The following RNF216 variants were observed in gnomAD, a reference collection of about 807,000 sequenced individuals.
RNF216 encodes ring finger protein 216, also known as E3 ubiquitin-protein ligase RNF216.
Under a neutral mutation model 110.8 loss-of-function variants are expected in RNF216, and 72 were observed. The observed-to-expected ratio is 0.65, with a 90% CI of 0.54 to 0.79. The LOEUF is 0.79. RNF216 is among the 30% of genes least tolerant of loss of function. RNF216 has a pLI of 0.00. For missense variants in RNF216, 1,342 were observed against 1,141.2 expected (o/e 1.18, Z -2.54); for synonymous variants, 495 against 407.5 (o/e 1.21, Z -2.59).
chr7:5,708,983 G>A (rs538966561), intron 13 of RNF216, among the ~76,000 whole-genome samples: 1 of 152,150 alleles, frequency 6.6e-6, no homozygotes, highest in Non-Finnish European at 1.5e-5. Context: ...GTTCTCAGCA[G>A]CCCCCAGGGA....
intron 13 of RNF216, among the ~76,000 whole-genome samples, chr7:5,694,844 G>C (rs901566679): frequency 2.6e-5 from 4 of 152,238 alleles, no homozygotes; most frequent in Non-Finnish European, 5.9e-5. Context: ...CTAAGCATTT[G>C]TCTACTAACT....
rs66617363 is a variant in RNF216 at position 5,660,265 on chromosome 7, C to CTTTTTTTT, written c.2062-7763_2062-7756dup. Among the ~76,000 whole-genome samples, 20 of 33,646 alleles carry CTTTTTTTT rather than the reference C, an allele frequency of 5.9e-4. 1 individual carries two copies. Among genetic ancestry groups the CTTTTTTTT allele is most frequent in the Non-Finnish European group, 1.2e-3 (20 of 16,334 alleles). 22.1% of individuals were successfully genotyped at this position (33,646 alleles called of 152,430 possible). On this transcript the variant is annotated intron_variant, in intron 13 of 16. Transcript: ENST00000389902. ...ACAGAGCCCGGCCCTGTTTTAAATT[C>CTTTTTTTT]TTTTTTTTTTTTTTTTTTTTTTTTT...
intron 13 of RNF216, among the ~76,000 whole-genome samples, chr7:5,706,545 TGTTA>T (rs748742656): frequency 6.6e-6 from 1 of 152,224 alleles, no homozygotes; most frequent in Non-Finnish European, 1.5e-5. Flanking sequence ...TTATCTGTGT[TGTTA>T]GTATGTGCCA....
intron 1 of RNF216, among the ~76,000 whole-genome samples, chr7:5,772,227 C>T (rs1168968066): frequency 6.6e-6 from 1 of 152,154 alleles, no homozygotes; most frequent in Non-Finnish European, 1.5e-5. Context: ...GAGTGAAACT[C>T]CGTCCCAATA....
chr7:5,766,790 T>C (rs1477212738), intron 1 of RNF216: 2 of 152,216 alleles, frequency 1.3e-5, no homozygotes, highest in African/African-American at 2.4e-5. Flanking sequence ...TAATTTCAAG[T>C]AACAAATGTC....
In RNF216 at chr7:5,752,955, G is replaced by A; in HGVS notation, c.92C>T (p.Pro31Leu). 6.2e-7 allele frequency: 1 copy of A among 1,611,070 alleles called. No individual in the cohort carries two copies. Among genetic ancestry groups the A allele is most frequent in the Non-Finnish European group, 8.5e-7 (1 of 1,178,790 alleles). The part of the protein sequence containing the change: ...GQEWINLRDG[P>L]ITISDSSDEE... Reference sequence around the variant, plus strand: ...ATCTGAGGAGTCAGATATGGTGATGGGCCCATCTCGGAGATTGATCCACTC... The same window carrying A: ...ATCTGAGGAGTCAGATATGGTGATGAGCCCATCTCGGAGATTGATCCACTC... Residue 31 changes from proline (P) to leucine (L), a missense_variant, in exon 3 of 17, where the codon CCC (proline) becomes CTC (leucine). By Grantham distance (98) the Pro-to-Leu change is moderately conservative. Transcript: ENST00000389902.
At chr7:5,750,627 G>C (rs552477415) in intron 3 of RNF216, among the ~76,000 whole-genome samples, 20 of 152,330 alleles carry the variant, frequency 1.3e-4, no homozygotes, top group African/African-American at 4.8e-4. Flanking sequence ...CAAGGAATAA[G>C]TCTCATGCCT....
At chr7:5,678,214 G>GTA (rs1350593921) in intron 13 of RNF216, among the ~76,000 whole-genome samples, 1 of 152,172 alleles carries the variant, frequency 6.6e-6, no homozygotes, top group Non-Finnish European at 1.5e-5. Flanking sequence ...ACCGCCTGCT[G>GTA]TAACTTTTAG....
At chr7:5,675,984 C>T (rs1218965385) in intron 13 of RNF216, among the ~76,000 whole-genome samples, 1 of 151,578 alleles carries the variant, frequency 6.6e-6, no homozygotes, top group Non-Finnish European at 1.5e-5. Context: ...GCTGGGATTA[C>T]AGGCGTGAGC....
chr7:5,667,329 T>A (rs1368402915), intron 13 of RNF216, among the ~76,000 whole-genome samples: 1 of 152,210 alleles, frequency 6.6e-6, no homozygotes, highest in Non-Finnish European at 1.5e-5. Flanking sequence ...AACAAAAAAG[T>A]TTAAAAGCCA....
intron 8 of RNF216, 84 bp downstream of exon 8, chr7:5,725,240 G>T: frequency 1.2e-6 from 1 of 816,842 alleles, no homozygotes; most frequent in South Asian, 1.6e-5. Flanking sequence ...GCAGACACCT[G>T]TAGCACGGCT....
intron 1 of RNF216, among the ~76,000 whole-genome samples, chr7:5,776,074 A>C (rs1018414887): frequency 6.6e-6 from 1 of 152,142 alleles, no homozygotes; most frequent in East Asian, 1.9e-4. Flanking sequence ...TACTAATACA[A>C]TTAATATTAA....
intron 13 of RNF216, among the ~76,000 whole-genome samples, chr7:5,703,461 C>T (rs1289958402): frequency 6.6e-6 from 1 of 152,252 alleles, no homozygotes; most frequent in Admixed American, 6.5e-5. Flanking sequence ...CGCAGCCATG[C>T]AGCTACTGTA....
At chr7:5,629,534 A>T (rs922648013) in intron 15 of RNF216, among the ~76,000 whole-genome samples, 5 of 152,094 alleles carry the variant, frequency 3.3e-5, no homozygotes, top group African/African-American at 9.7e-5. Flanking sequence ...CACCACAATT[A>T]AAAAGAGGGA....
intron 13 of RNF216, among the ~76,000 whole-genome samples, chr7:5,670,474 T>G (rs1221650142): frequency 6.6e-6 from 1 of 152,146 alleles, no homozygotes; most frequent in Non-Finnish European, 1.5e-5. Flanking sequence ...TACTTCCTCT[T>G]TTTGCTTATT....
intron 14 of RNF216, among the ~76,000 whole-genome samples, chr7:5,642,307 G>A (rs1052964447): frequency 4.6e-5 from 7 of 151,016 alleles, no homozygotes; most frequent in South Asian, 2.1e-4. Flanking sequence ...CCGCCTCCCC[G>A]GGTTCAAGAG....
chr7:5,636,696 T>A (rs1400667643), intron 15 of RNF216, among the ~76,000 whole-genome samples: 1 of 152,204 alleles, frequency 6.6e-6, no homozygotes, highest in African/African-American at 2.4e-5. Context: ...GCTGTTTTGA[T>A]GGGAACGGGA....
At chr7:5,623,270 G>T in intron 16 of RNF216, 91 bp from the exon 17 acceptor site, 5 of 1,212,286 alleles carry the variant, frequency 4.1e-6, no homozygotes, top group Non-Finnish European at 5.7e-6. Context: ...TCTGGACACG[G>T]GAGTGGCTCC....
chr7:5,740,154 TCTCA>T (rs1179489959), intron 4 of RNF216, among the ~76,000 whole-genome samples: 2 of 123,030 alleles, frequency 1.6e-5, no homozygotes. Flanking sequence ...TGAGATAGAG[TCTCA>T]CTCTGTCGCC....
Sources: allele counts gnomAD v4.1 joint callset (sites outside exome capture counted in the v4.1 genomes callset), GRCh38; gene constraint gnomAD v4.1.1; transcripts MANE v1.5; gene names NCBI Gene and HGNC (gene_info 2026-07-23, HGNC 2026-07-21).